Variants in ROBO2 observed in about 807,000 individuals in gnomAD.
ROBO2 encodes roundabout homolog 2.
Under a neutral mutation model 160.8 loss-of-function variants are expected in ROBO2, and 53 were observed. The ratio of observed to expected loss-of-function variants is 0.33; its 90% CI spans 0.26 to 0.41. The LOEUF (loss-of-function observed/expected upper bound fraction) is 0.41. Among genes scored for constraint, ROBO2 ranks in the 10% least tolerant of loss-of-function variants. The pLI is 1.00. For synonymous variants in ROBO2, 664 were observed against 611.7 expected (o/e 1.09, Z -1.26); for missense variants, 1,577 against 1,722.4 (o/e 0.92, Z 1.49).
chr3:76,997,424 T>G (rs1299283228), intron 2 of ROBO2, among the ~76,000 whole-genome samples: 1 of 152,196 alleles, frequency 6.6e-6, no homozygotes, highest in Non-Finnish European at 1.5e-5. Flanking sequence ...TGGGGTCTAA[T>G]GTTCTTTTAC....
At chr3:76,238,713 C>T (rs1345387530) in intron 2 of ROBO2, among the ~76,000 whole-genome samples, 3 of 152,082 alleles carry the variant, frequency 2.0e-5, no homozygotes, top group African/African-American at 4.8e-5. Context: ...CAGGTCTCCC[C>T]CTAGACATGA....
chr3:75,962,827 A>G (rs1226863714), intron 2 of ROBO2, among the ~76,000 whole-genome samples: 1 of 151,826 alleles, frequency 6.6e-6, no homozygotes, highest in Non-Finnish European at 1.5e-5. Context: ...GTGTTATTTC[A>G]AGTGGGAGAC....
chr3:77,373,571 A>G (rs1025050472), intron 2 of ROBO2, among the ~76,000 whole-genome samples: 2 of 152,166 alleles, frequency 1.3e-5, no homozygotes, highest in African/African-American at 4.8e-5. Context: ...AATAGTGTTA[A>G]TATCAAAATT....
intron 2 of ROBO2, among the ~76,000 whole-genome samples, chr3:76,098,817 T>C (rs1299849138): frequency 6.6e-6 from 1 of 152,114 alleles, no homozygotes; most frequent in South Asian, 2.1e-4. Flanking sequence ...TTAATAAAAG[T>C]CTCGAGTTCA....
At chr3:76,872,724 G>A (rs947106548) in intron 2 of ROBO2, among the ~76,000 whole-genome samples, 10 of 151,786 alleles carry the variant, frequency 6.6e-5, no homozygotes, top group African/African-American at 2.4e-4. Context: ...TTTTTGACAT[G>A]ATTTATCTAA....
intron 2 of ROBO2, among the ~76,000 whole-genome samples, chr3:77,277,938 T>A (rs1027379183): frequency 2.1e-5 from 3 of 143,824 alleles, no homozygotes; most frequent in Non-Finnish European, 4.8e-5. Context: ...TGTAAAAACA[T>A]TTCTTTTTCT....
intron 2 of ROBO2, among the ~76,000 whole-genome samples, chr3:77,174,827 A>G (rs1439039527): frequency 6.6e-6 from 1 of 152,064 alleles, no homozygotes; most frequent in Non-Finnish European, 1.5e-5. Context: ...AGATAAAAAG[A>G]AAAATTCTAT....
intron 2 of ROBO2, among the ~76,000 whole-genome samples, chr3:77,178,277 C>T (rs2080350521): frequency 6.6e-6 from 1 of 151,990 alleles, no homozygotes; most frequent in Non-Finnish European, 1.5e-5. Context: ...GATCGTTTTG[C>T]CCTGTAGATC....
chr3:76,130,889 T>G (rs1218807037), intron 2 of ROBO2, among the ~76,000 whole-genome samples: 3 of 152,132 alleles, frequency 2.0e-5, no homozygotes, highest in African/African-American at 7.2e-5. Flanking sequence ...TTAAACCCAT[T>G]CTGATTTCAA....
intron 2 of ROBO2, among the ~76,000 whole-genome samples, chr3:76,576,105 T>TA (rs1205385151): frequency 6.6e-6 from 1 of 152,144 alleles, no homozygotes; most frequent in Non-Finnish European, 1.5e-5. Flanking sequence ...ACAGTTATTC[T>TA]AATTCCATGT....
chr3:76,841,730 A>C (rs1166951), intron 2 of ROBO2, among the ~76,000 whole-genome samples: 1 of 152,160 alleles, frequency 6.6e-6, no homozygotes, highest in Non-Finnish European at 1.5e-5. Flanking sequence ...AGGAAGATTT[A>C]TTAGCCGCTT....
intron 2 of ROBO2, among the ~76,000 whole-genome samples, chr3:76,384,665 G>C (rs1239338218): frequency 6.6e-6 from 1 of 152,112 alleles, no homozygotes; most frequent in Non-Finnish European, 1.5e-5. Context: ...ATGGCAGAAG[G>C]GAGAGCAAAC....
At chr3:76,316,426 G>A (rs2072032690) in intron 2 of ROBO2, among the ~76,000 whole-genome samples, 1 of 152,144 alleles carries the variant, frequency 6.6e-6, no homozygotes, top group Admixed American at 6.5e-5. Flanking sequence ...CCATTTATAG[G>A]CTGTCTGCAA....
At chr3:76,077,484 A>T (rs552658209) in intron 2 of ROBO2, among the ~76,000 whole-genome samples, 1 of 151,878 alleles carries the variant, frequency 6.6e-6, no homozygotes, top group East Asian at 1.9e-4. Flanking sequence ...AATTGCTTGA[A>T]CTCTGGAGAT....
chr3:77,126,615 T>A (rs2075332551), intron 2 of ROBO2, among the ~76,000 whole-genome samples: 1 of 151,972 alleles, frequency 6.6e-6, no homozygotes, highest in Non-Finnish European at 1.5e-5. Context: ...TAGTTTAAAG[T>A]CAGGCTTTCA....
intron 1 of ROBO2, among the ~76,000 whole-genome samples, chr3:77,073,051 T>C (rs537070503): frequency 6.6e-6 from 1 of 152,260 alleles, no homozygotes; most frequent in African/African-American, 2.4e-5. Flanking sequence ...CATTGTAGCT[T>C]TTGAATGGTT....
chr3:77,402,665 C>T (rs2075911169), intron 2 of ROBO2, among the ~76,000 whole-genome samples: 1 of 151,926 alleles, frequency 6.6e-6, no homozygotes, highest in South Asian at 2.1e-4. Context: ...CTCAAGTGAG[C>T]GTGTGTACAA....
intron 2 of ROBO2, among the ~76,000 whole-genome samples, chr3:77,414,293 A>G (rs1173330479): frequency 6.6e-6 from 1 of 152,178 alleles, no homozygotes; most frequent in East Asian, 1.9e-4. Context: ...TATAAAAGCA[A>G]TTTTCCTGGA....
intron 2 of ROBO2, among the ~76,000 whole-genome samples, chr3:77,186,563 G>C (rs778839730): frequency 6.6e-6 from 1 of 151,970 alleles, no homozygotes; most frequent in Non-Finnish European, 1.5e-5. Context: ...ACGGAGCACA[G>C]AGGGCAGTCT....
Sources: gnomAD v4.1 joint callset for allele counts (sites outside exome capture counted in the v4.1 genomes callset) on GRCh38, gnomAD v4.1.1 for gene constraint, MANE v1.5 for transcripts, NCBI Gene and HGNC (gene_info 2026-07-23, HGNC 2026-07-21) for gene names.